The following STK32B variants were observed in gnomAD, a reference collection of about 807,000 sequenced individuals.
The protein encoded by STK32B is serine/threonine kinase 32B, also known as serine/threonine-protein kinase 32B.
STK32B carries 43 observed loss-of-function variants against 52.6 expected under a neutral mutation model. That is an observed-to-expected ratio of 0.82 (90% CI 0.64 to 1.05). STK32B has a LOEUF of 1.05. Ranked by LOEUF, STK32B falls within the 50% of genes least tolerant of loss-of-function variation. STK32B has a pLI of 0.00. For missense variants in STK32B, 621 were observed against 534.6 expected, an observed-to-expected ratio of 1.16 and a Z score of -1.59; for synonymous variants, 238 against 204.3, an observed-to-expected ratio of 1.17 and a Z score of -1.41.
rs1474146904 is a variant in STK32B, at chr4:5,312,265, T to TTA, written c.261-18954_261-18953insAT. ...TTTACCGCTTACGTTTAGTTTTTTT[T>TTA]TTATTTTATTATTAGGTTTCTTTTT... On this transcript the variant is annotated intron_variant, in intron 3 of 11. Transcript: ENST00000282908. Among the ~76,000 whole-genome samples the TTA allele has an allele frequency of 7.3e-5, 11 of 150,646 alleles. No homozygotes were observed. The East Asian group carries it at 1.9e-3, about 27-fold the overall frequency.
chr4:5,118,032 T>G (rs1466182920), intron 1 of STK32B, among the ~76,000 whole-genome samples: 1 of 152,210 alleles, frequency 6.6e-6, no homozygotes, highest in Non-Finnish European at 1.5e-5. Context: ...TGTAGCGTCC[T>G]TGTCTGGCTT....
chr4:5,391,768 G>C (rs958687890), intron 4 of STK32B, among the ~76,000 whole-genome samples: 6 of 152,228 alleles, frequency 3.9e-5, no homozygotes, highest in Non-Finnish European at 8.8e-5. Flanking sequence ...TGACAACTGT[G>C]CTTCCATCTA....
chr4:5,482,352 G>A (rs533778713), intron 11 of STK32B, among the ~76,000 whole-genome samples: 1 of 152,272 alleles, frequency 6.6e-6, no homozygotes, highest in South Asian at 2.1e-4. Context: ...AAGCAATTGT[G>A]AATGGGAGTT....
At chr4:5,075,997 G>C (rs1712047529) in intron 1 of STK32B, among the ~76,000 whole-genome samples, 1 of 152,170 alleles carries the variant, frequency 6.6e-6, no homozygotes, top group South Asian at 2.1e-4. Context: ...TGGGACTGCA[G>C]CCCTGGCTGG....
At chr4:5,277,271 T>C (rs1727885906) in intron 3 of STK32B, among the ~76,000 whole-genome samples, 1 of 152,236 alleles carries the variant, frequency 6.6e-6, no homozygotes, top group African/African-American at 2.4e-5. Flanking sequence ...GGAATCATTA[T>C]TTGTGCAAGT....
At chr4:5,201,936 C>T (rs1722180378) in intron 3 of STK32B, among the ~76,000 whole-genome samples, 1 of 152,150 alleles carries the variant, frequency 6.6e-6, no homozygotes, top group South Asian at 2.1e-4. Flanking sequence ...GGCCCTGGCC[C>T]CTCCCAAATC....
intron 3 of STK32B, among the ~76,000 whole-genome samples, chr4:5,330,232 A>G (rs192985647): frequency 2.0e-5 from 3 of 152,314 alleles, no homozygotes; most frequent in Admixed American, 6.5e-5. Context: ...TGATTACATT[A>G]TGCAATTCTG....
intron 11 of STK32B, among the ~76,000 whole-genome samples, chr4:5,488,267 C>A (rs553690949): frequency 6.6e-6 from 1 of 152,238 alleles, no homozygotes; most frequent in Admixed American, 6.5e-5. Flanking sequence ...CACTGCACTC[C>A]AGCCTGGGTG....
chr4:5,209,318 T>C (rs1269914127), intron 3 of STK32B, among the ~76,000 whole-genome samples: 14 of 152,086 alleles, frequency 9.2e-5, no homozygotes, highest in Admixed American at 9.2e-4. Flanking sequence ...AAATCACAGG[T>C]TCAAGTAATC....
intron 1 of STK32B, among the ~76,000 whole-genome samples, chr4:5,135,800 A>G (rs1285001705): frequency 6.6e-6 from 1 of 152,206 alleles, no homozygotes. Flanking sequence ...CTTTCCTCAC[A>G]TACACAAAAA....
rs1317802420 is a variant in STK32B, at chr4:5,499,624, A to G, written c.*541A>G. 4 of 133,814 alleles carry G rather than the reference A, an allele frequency of 3.0e-5. No homozygotes were observed. The highest frequency in any genetic ancestry group is 6.3e-5 in the Non-Finnish European group (4 of 63,344). 8.3% of individuals were successfully genotyped at this position (133,814 alleles called of 1,614,324 possible). On this transcript the variant is annotated 3_prime_UTR_variant, in exon 12 of 12. Coordinates refer to ENST00000282908, the MANE Select transcript of STK32B (RefSeq NM_018401.3). ...CTGGAGCAAAACCTGAAGTGTCTTC[A>G]TGTGCATTCTCTGGCAGGCCACAGT...
At chr4:5,375,273 T>G (rs928826551) in intron 4 of STK32B, among the ~76,000 whole-genome samples, 4 of 152,096 alleles carry the variant, frequency 2.6e-5, no homozygotes, top group Non-Finnish European at 5.9e-5. Flanking sequence ...CTTCTGCTAT[T>G]CCCCACCATG....
chr4:5,026,683 C>G, the STK32B span, among the ~76,000 whole-genome samples: 1 of 152,280 alleles, frequency 6.6e-6, no homozygotes, highest in African/African-American at 2.4e-5. Context: ...GAAACAGCAA[C>G]CTGCTGTTGG....
chr4:5,122,170 ACTT>A (rs1022949550), intron 1 of STK32B, among the ~76,000 whole-genome samples: 5 of 149,626 alleles, frequency 3.3e-5, no homozygotes, highest in African/African-American at 1.0e-4. Context: ...TCACTTATTC[ACTT>A]CTTCACTCCT....
chr4:5,175,133 C>T (rs567693828), intron 3 of STK32B, among the ~76,000 whole-genome samples: 2 of 152,284 alleles, frequency 1.3e-5, no homozygotes, highest in South Asian at 4.1e-4. Flanking sequence ...AGTTCTCGTG[C>T]CGTGGTTTTC....
chr4:5,242,356 T>G (rs1447481461), intron 3 of STK32B, among the ~76,000 whole-genome samples: 1 of 152,272 alleles, frequency 6.6e-6, no homozygotes, highest in African/African-American at 2.4e-5. Context: ...CATGTGTTTT[T>G]TGGCTGCATA....
chr4:5,172,015 G>A (rs190048941), intron 3 of STK32B, among the ~76,000 whole-genome samples: 28,081 of 151,254 alleles, frequency 0.19, 3,282 homozygotes, highest in East Asian at 0.3. Context: ...CCTTGAAGAG[G>A]TCCTTCACAT....
chr4:5,330,650 GTTTTCCTTCTCTTGGCC>G (rs1732176076), intron 3 of STK32B, among the ~76,000 whole-genome samples: 1 of 152,170 alleles, frequency 6.6e-6, no homozygotes. Context: ...TGTGGATCTG[GTTTTCCTTCTCTTGGCC>G]TCTCCATGTG....
chr4:5,145,713 CT>C, intron 2 of STK32B, among the ~76,000 whole-genome samples: 1 of 151,992 alleles, frequency 6.6e-6, no homozygotes, highest in Non-Finnish European at 1.5e-5. Context: ...GGTTGTTTGT[CT>C]TATTTAATTG....
Sources: allele counts gnomAD v4.1 joint callset (sites outside exome capture counted in the v4.1 genomes callset), GRCh38; gene constraint gnomAD v4.1.1; transcripts MANE v1.5; gene names NCBI Gene and HGNC (gene_info 2026-07-23, HGNC 2026-07-21).